Variants in CCDC60 observed in about 807,000 individuals in gnomAD.
The protein encoded by CCDC60 is coiled-coil domain-containing protein 60.
CCDC60 carries 54 observed loss-of-function variants against 63.5 expected under a neutral mutation model. The ratio of observed to expected loss-of-function variants is 0.85; its 90% confidence interval spans 0.68 to 1.07. The LOEUF (loss-of-function observed/expected upper bound fraction) is 1.07, where lower values mean the gene tolerates loss of function less well. Ranked by LOEUF, CCDC60 falls within the 50% of genes least tolerant of loss-of-function variation. The pLI, the probability that CCDC60 is intolerant of heterozygous loss-of-function variation, is 0.00. For missense variants in CCDC60, 651 were observed against 684.3 expected (o/e 0.95, Z 0.54); for synonymous variants, 206 against 238.8 (o/e 0.86, Z 1.27).
intron 3 of CCDC60, among the ~76,000 whole-genome samples, chr12:119,474,766 G>A (rs1339052162): frequency 6.6e-6 from 1 of 152,086 alleles, no homozygotes; most frequent in Non-Finnish European, 1.5e-5. Context: ...CAGCACTTAG[G>A]GAGGCTGAGG....
chr12:119,479,299 T>C lies in CCDC60; in HGVS notation c.449+98T>C. 5 of 796,568 alleles carry C rather than the reference T, an allele frequency of 6.3e-6. No individual in the cohort carries two copies. The South Asian group carries it at 7.9e-5, about 13-fold the overall frequency. 49.3% of individuals were successfully genotyped at this position (796,568 alleles called of 1,614,324 possible). A position where few individuals can be genotyped will look rare whatever the true frequency, so the allele number is the denominator to read the frequency against. On this transcript the variant is annotated intron_variant, in intron 4 of 13. Transcript: ENST00000327554. ...AGCTGTCATGTCAGTAGCTGTTCCT[T>C]TGTCCTCTTGAAAGGGACATGGAGC...
intron 1 of CCDC60, among the ~76,000 whole-genome samples, chr12:119,349,639 C>T (rs1326890161): frequency 6.6e-6 from 1 of 152,018 alleles, no homozygotes; most frequent in African/African-American, 2.4e-5. Flanking sequence ...GCGCCTGGCC[C>T]AGGGCGTGTT....
At chr12:119,346,741 G>A (rs180873077) in intron 1 of CCDC60, among the ~76,000 whole-genome samples, 13 of 151,184 alleles carry the variant, frequency 8.6e-5, no homozygotes, top group African/African-American at 2.9e-4. Flanking sequence ...AGAAGAGGGA[G>A]AAAAAACCTG....
chr12:119,366,891 G>A (rs1955845888), intron 1 of CCDC60, among the ~76,000 whole-genome samples: 1 of 152,176 alleles, frequency 6.6e-6, no homozygotes, highest in African/African-American at 2.4e-5. Flanking sequence ...GGAGAGCAGT[G>A]GCACAGTCTC....
At chr12:119,517,458 G>T (rs1021142782) in intron 8 of CCDC60, among the ~76,000 whole-genome samples, 7 of 152,206 alleles carry the variant, frequency 4.6e-5, no homozygotes, top group African/African-American at 1.7e-4. Flanking sequence ...AGGAAAGCTT[G>T]AAACTGTGAG....
intron 1 of CCDC60, among the ~76,000 whole-genome samples, chr12:119,344,590 A>G (rs115246705): frequency 2.5e-3 from 387 of 152,296 alleles, no homozygotes; most frequent in African/African-American, 9.0e-3. Flanking sequence ...CTGACCCATT[A>G]TCTTTCAATG....
intron 1 of CCDC60, among the ~76,000 whole-genome samples, chr12:119,350,400 A>G (rs1165129583): frequency 1.3e-5 from 2 of 151,806 alleles, no homozygotes; most frequent in Non-Finnish European, 2.9e-5. Flanking sequence ...CAGTTTCACC[A>G]TGCTGTATTT....
rs1288110249 is a variant in CCDC60, at chr12:119,461,171, C to T, written c.171-10823C>T. Among the ~76,000 whole-genome samples the T allele has an allele frequency of 2.6e-5, 4 of 152,128 alleles. 1 individual carries two copies. In the South Asian group the frequency reaches 6.2e-4, roughly 24 times the overall value. ...TTCTCAGGACTGTTAAGCAAGCTGA[C>T]GATAACAACCGCTTCCCATTATGGA... On this transcript the variant is annotated intron_variant, in intron 2 of 13. Coordinates refer to ENST00000327554, the MANE Select transcript of CCDC60 (RefSeq NM_178499.5).
chr12:119,479,416 A>C (rs957944229), intron 4 of CCDC60: 1 of 537,118 alleles, frequency 1.9e-6, no homozygotes, highest in African/African-American at 1.9e-5. Context: ...GGACTGAGTC[A>C]TTTCATTTCT....
intron 7 of CCDC60, among the ~76,000 whole-genome samples, chr12:119,510,640 A>C (rs1436808349): frequency 6.6e-6 from 1 of 152,230 alleles, no homozygotes; most frequent in Non-Finnish European, 1.5e-5. Flanking sequence ...AGATTAAAGA[A>C]GATCAGTCCA....
intron 13 of CCDC60, among the ~76,000 whole-genome samples, chr12:119,532,022 G>A (rs1442345460): frequency 1.3e-5 from 2 of 152,184 alleles, no homozygotes; most frequent in East Asian, 1.9e-4. Flanking sequence ...TGGAGCGTTT[G>A]ACATTTTCAT....
chr12:119,489,608 T>G (rs2136378356), intron 5 of CCDC60, among the ~76,000 whole-genome samples: 1 of 152,190 alleles, frequency 6.6e-6, no homozygotes, highest in East Asian at 1.9e-4. Flanking sequence ...AGGCATTGGT[T>G]CTTTAAGAAG....
chr12:119,530,208 G>A (rs1310464975), intron 12 of CCDC60, among the ~76,000 whole-genome samples: 2 of 150,896 alleles, frequency 1.3e-5, no homozygotes, highest in Non-Finnish European at 2.9e-5. Flanking sequence ...TATAATGGAT[G>A]ATCAGTTACA....
chr12:119,403,823 CTTCTT>C (rs920778059), intron 1 of CCDC60, among the ~76,000 whole-genome samples: 5 of 152,086 alleles, frequency 3.3e-5, no homozygotes, highest in Admixed American at 6.6e-5. Flanking sequence ...CCTCCTTCCT[CTTCTT>C]TTATTTATTT....
chr12:119,467,735 G>A (rs896853966), intron 2 of CCDC60, among the ~76,000 whole-genome samples: 3 of 152,234 alleles, frequency 2.0e-5, no homozygotes, highest in Non-Finnish European at 4.4e-5. Flanking sequence ...ATGAAAAGCA[G>A]TTGCTGTCAC....
chr12:119,387,046 A>T (rs1168330763), intron 1 of CCDC60, among the ~76,000 whole-genome samples: 30 of 146,364 alleles, frequency 2.0e-4, no homozygotes, highest in South Asian at 8.9e-4. Context: ...ACACACACAC[A>T]CACACACACA....
At chr12:119,517,619 A>G (rs1593204025) in intron 8 of CCDC60, among the ~76,000 whole-genome samples, 2 of 152,084 alleles carry the variant, frequency 1.3e-5, no homozygotes, top group Admixed American at 1.3e-4. Flanking sequence ...GGAGGTGGGG[A>G]AGAGAGTATT....
intron 5 of CCDC60, among the ~76,000 whole-genome samples, chr12:119,494,921 C>T (rs1303441048): frequency 6.6e-6 from 1 of 152,164 alleles, no homozygotes; most frequent in Non-Finnish European, 1.5e-5. Context: ...GTGGAAGTTG[C>T]GGTGAGCCGA....
At chr12:119,413,272 C>A (rs1263466710) in intron 1 of CCDC60, among the ~76,000 whole-genome samples, 1 of 152,110 alleles carries the variant, frequency 6.6e-6, no homozygotes, top group Admixed American at 6.5e-5. Context: ...TGCTGGCAGC[C>A]AATTTCCATT....
Sources: allele counts gnomAD v4.1 joint callset (sites outside exome capture counted in the v4.1 genomes callset), GRCh38; gene constraint gnomAD v4.1.1; transcripts MANE v1.5; gene names NCBI Gene and HGNC (gene_info 2026-07-23, HGNC 2026-07-21).